CADM2: variants seen among roughly 807,000 people sequenced by gnomAD.
The protein encoded by CADM2 is immunoglobulin superfamily member 4D.
CADM2 carries 12 observed loss-of-function variants against 49.8 expected under a neutral mutation model. The observed-to-expected ratio is 0.24, with a 90% confidence interval of 0.15 to 0.39. The LOEUF (loss-of-function observed/expected upper bound fraction) is 0.39. Among genes scored for constraint, CADM2 ranks in the 10% least tolerant of loss-of-function variants. The pLI is 1.00. For synonymous variants in CADM2, 214 were observed against 175.4 expected, an observed-to-expected ratio of 1.22 and a Z score of -1.74; for missense variants, 378 against 492.3, an observed-to-expected ratio of 0.77 and a Z score of 2.20.
chr3:85,212,897 T>TCTCTC, intron 1 of CADM2, among the ~76,000 whole-genome samples: 17 of 144,956 alleles, frequency 1.2e-4, no homozygotes, highest in South Asian at 2.2e-4. Flanking sequence ...TCTTTCTTTC[T>TCTCTC]TTTAATGGAG....
chr3:84,964,692 G>A (rs1188055431), intron 1 of CADM2, among the ~76,000 whole-genome samples: 1 of 152,114 alleles, frequency 6.6e-6, no homozygotes, highest in Non-Finnish European at 1.5e-5. Flanking sequence ...TAGTTCTAGT[G>A]CCCAACAATT....
chr3:85,153,134 C>T (rs933588714), intron 1 of CADM2, among the ~76,000 whole-genome samples: 8 of 152,146 alleles, frequency 5.3e-5, no homozygotes, highest in Non-Finnish European at 8.8e-5. Flanking sequence ...GCGTGAGCGA[C>T]GCAGAAGACG....
At chr3:85,129,097 C>T (rs1015850727) in intron 1 of CADM2, among the ~76,000 whole-genome samples, 1 of 152,044 alleles carries the variant, frequency 6.6e-6, no homozygotes, top group Non-Finnish European at 1.5e-5. Context: ...GTATTGCAGT[C>T]GTGGCACTGA....
chr3:85,159,771 C>A (rs1055118603), intron 1 of CADM2, among the ~76,000 whole-genome samples: 3 of 152,084 alleles, frequency 2.0e-5, no homozygotes, highest in African/African-American at 7.2e-5. Flanking sequence ...GGGATAGTTT[C>A]ATCAACTGTT....
intron 1 of CADM2, among the ~76,000 whole-genome samples, chr3:85,557,153 T>C (rs960687124): frequency 2.4e-4 from 37 of 152,144 alleles, no homozygotes; most frequent in African/African-American, 8.4e-4. Flanking sequence ...CTAGATTTCC[T>C]ATAAGAATGA....
intron 1 of CADM2, among the ~76,000 whole-genome samples, chr3:85,459,457 G>C (rs2038140289): frequency 6.6e-6 from 1 of 152,136 alleles, no homozygotes; most frequent in Non-Finnish European, 1.5e-5. Flanking sequence ...TCTGCCAGTA[G>C]TGAGAAGGGA....
At chr3:85,202,048 C>T (rs778301056) in intron 1 of CADM2, among the ~76,000 whole-genome samples, 69 of 147,200 alleles carry the variant, frequency 4.7e-4, no homozygotes, top group Non-Finnish European at 7.9e-4. Flanking sequence ...CCACTGCTCT[C>T]CAGCCTGGTG....
chr3:85,173,708 C>A (rs2040699194), intron 1 of CADM2, among the ~76,000 whole-genome samples: 1 of 152,100 alleles, frequency 6.6e-6, no homozygotes, highest in African/African-American at 2.4e-5. Context: ...CAATCGAACC[C>A]TGCAGTAATA....
chr3:86,012,658 G>C, intron 8 of CADM2: 1 of 1,451,188 alleles, frequency 6.9e-7, no homozygotes, highest in Non-Finnish European at 9.6e-7. Context: ...GATGCCAGGA[G>C]TGGGTGGAGA....
chr3:85,923,316 G>A (rs1719386118), intron 6 of CADM2, among the ~76,000 whole-genome samples: 1 of 152,070 alleles, frequency 6.6e-6, no homozygotes, highest in Non-Finnish European at 1.5e-5. Context: ...ATTAGAAACT[G>A]TTCCAACTCA....
At chr3:85,743,340 G>A (rs1333748147) in intron 2 of CADM2, among the ~76,000 whole-genome samples, 1 of 152,110 alleles carries the variant, frequency 6.6e-6, no homozygotes, top group Non-Finnish European at 1.5e-5. Context: ...ATATCAAGTA[G>A]CACCTTTCTC....
chr3:85,205,627 T>G (rs1343076417), intron 1 of CADM2, among the ~76,000 whole-genome samples: 1 of 152,060 alleles, frequency 6.6e-6, no homozygotes. Context: ...AGCTTATGCA[T>G]GTAATAGTAA....
chr3:85,849,094 C>T (rs2074995097), intron 3 of CADM2, among the ~76,000 whole-genome samples: 1 of 152,190 alleles, frequency 6.6e-6, no homozygotes, highest in African/African-American at 2.4e-5. Flanking sequence ...TTCCTACAGA[C>T]AGTTCCAGAG....
chr3:85,576,251 T>C (rs1379500509), intron 1 of CADM2, among the ~76,000 whole-genome samples: 1 of 152,166 alleles, frequency 6.6e-6, no homozygotes, highest in Non-Finnish European at 1.5e-5. Flanking sequence ...TTGCCTTGCC[T>C]GAAAGAGGTA....
intron 4 of CADM2, among the ~76,000 whole-genome samples, chr3:85,885,947 A>G (rs193036018): frequency 1.3e-5 from 2 of 151,862 alleles, no homozygotes; most frequent in Admixed American, 6.6e-5. Context: ...ATATTTATAT[A>G]TCTGTACACA....
intron 6 of CADM2, among the ~76,000 whole-genome samples, chr3:85,930,167 A>T (rs1220443196): frequency 1.3e-5 from 2 of 152,172 alleles, no homozygotes; most frequent in Non-Finnish European, 2.9e-5. Flanking sequence ...AGATGAGTAA[A>T]AAATAGTTTA....
intron 3 of CADM2, among the ~76,000 whole-genome samples, chr3:85,879,725 C>T (rs1420847597): frequency 6.6e-6 from 1 of 152,076 alleles, no homozygotes; most frequent in Non-Finnish European, 1.5e-5. Flanking sequence ...CTCTTGTGTA[C>T]CTTTCACCCA....
chr3:85,505,427 AAACTG>A (rs1329142087), intron 1 of CADM2, among the ~76,000 whole-genome samples: 1 of 152,216 alleles, frequency 6.6e-6, no homozygotes, highest in Non-Finnish European at 1.5e-5. Flanking sequence ...AACAGCAAAT[AAACTG>A]AGCCCACATT....
At chr3:85,119,245 C>T (rs971818864) in intron 1 of CADM2, among the ~76,000 whole-genome samples, 2 of 152,060 alleles carry the variant, frequency 1.3e-5, no homozygotes, top group Admixed American at 6.6e-5. Flanking sequence ...AACCCTGTCT[C>T]TACAAAAAAA....
Sources: gnomAD v4.1 joint callset for allele counts (sites outside exome capture counted in the v4.1 genomes callset) on GRCh38, gnomAD v4.1.1 for gene constraint, MANE v1.5 for transcripts, NCBI Gene and HGNC (gene_info 2026-07-23, HGNC 2026-07-21) for gene names.